SMCO4: variants seen among roughly 807,000 people sequenced by gnomAD.
The protein encoded by SMCO4 is single-pass membrane and coiled-coil domain-containing protein 4.
Under a neutral mutation model 3.6 loss-of-function variants are expected in SMCO4, and 4 were observed. That is an observed-to-expected ratio of 1.11 (90% CI 0.54 to 2.53). The LOEUF is 2.53. Among genes scored for constraint, SMCO4 ranks in the 30% most tolerant of loss-of-function variants. SMCO4 has a pLI of 0.02. For synonymous variants in SMCO4, 36 were observed against 35.3 expected, an observed-to-expected ratio of 1.02 and a Z score of -0.07; for missense variants, 70 against 80.8, an observed-to-expected ratio of 0.87 and a Z score of 0.51.
chr11:93,550,837 A>T, the SMCO4 span, among the ~76,000 whole-genome samples: 1 of 152,246 alleles, frequency 6.6e-6, no homozygotes, highest in Non-Finnish European at 1.5e-5. Flanking sequence ...AAAGTAAAAA[A>T]TAACACTTAA....
chr11:93,542,773 C>T (rs1949281367), intron 1 of SMCO4, among the ~76,000 whole-genome samples: 2 of 152,110 alleles, frequency 1.3e-5, no homozygotes, highest in South Asian at 4.2e-4. Flanking sequence ...ACCCTTCTCA[C>T]CCGCAAGGTC....
chr11:93,512,973 G>A (rs1948971773), intron 1 of SMCO4, among the ~76,000 whole-genome samples: 1 of 152,180 alleles, frequency 6.6e-6, no homozygotes, highest in Admixed American at 6.5e-5. Context: ...AAAGGCAGTG[G>A]GGCAAGAGGA....
intron 2 of SMCO4, among the ~76,000 whole-genome samples, chr11:93,489,077 A>G (rs1477133213): frequency 6.6e-6 from 1 of 152,126 alleles, no homozygotes; most frequent in Non-Finnish European, 1.5e-5. Flanking sequence ...GGCAGACAGA[A>G]GGCAGTGAGA....
rs566141935 is a variant in SMCO4 at position 93,535,487 on chromosome 11, G to C, written c.-154+7789C>G. On this transcript the variant is annotated intron_variant, in intron 1 of 2. Transcript: ENST00000298966. ...CGCCGCGATGGTGTTGTTGGAGAGC[G>C]AGCAGCTCCTGACGGAGCTGACCAG... 14 of 1,401,510 alleles carry C rather than the reference G, an allele frequency of 1.0e-5. No homozygotes were observed. In the African/African-American group the frequency reaches 1.8e-4, roughly 18 times the overall value. The allele number at this position is 1,401,510 out of a possible 1,614,324, so 86.8% of individuals were successfully genotyped here.
the SMCO4 span, among the ~76,000 whole-genome samples, chr11:93,550,831 T>C: frequency 6.6e-6 from 1 of 152,162 alleles, no homozygotes; most frequent in African/African-American, 2.4e-5. Flanking sequence ...AATCCCAAAG[T>C]AAAAAATAAC....
intron 1 of SMCO4, among the ~76,000 whole-genome samples, chr11:93,534,861 C>A (rs1483429157): frequency 6.6e-6 from 1 of 152,214 alleles, no homozygotes; most frequent in Non-Finnish European, 1.5e-5. Context: ...TCACACCCCT[C>A]AAACACCTTC....
chr11:93,526,636 A>G (rs76486491), intron 1 of SMCO4, among the ~76,000 whole-genome samples: 1 of 152,182 alleles, frequency 6.6e-6, no homozygotes, highest in Non-Finnish European at 1.5e-5. Flanking sequence ...CACATCTCCA[A>G]GGTCAGCCCC....
intron 1 of SMCO4, among the ~76,000 whole-genome samples, chr11:93,534,723 CTG>C (rs1415156065): frequency 6.6e-6 from 1 of 152,178 alleles, no homozygotes; most frequent in Non-Finnish European, 1.5e-5. Flanking sequence ...GTAAAGGACT[CTG>C]TGGTCCAGTA....
rs374683409 is a variant in SMCO4 at position 93,542,732 on chromosome 11, C to G, written c.-154+544G>C. Among the ~76,000 whole-genome samples the G allele has an allele frequency of 2.1e-4, 32 of 152,254 alleles. No homozygotes were observed. The East Asian group carries it at 3.5e-3, about 17-fold the overall frequency. ...GAGGAAGGCTCTATCCCGCCCCCGC[C>G]TCACCTCTACTCCCCGACCCCCAGG... On this transcript the variant is annotated intron_variant, in intron 1 of 2. Coordinates refer to ENST00000298966, the MANE Select transcript of SMCO4 (RefSeq NM_020179.3).
At chr11:93,498,920 G>A (rs1050402750) in intron 2 of SMCO4, among the ~76,000 whole-genome samples, 2 of 152,176 alleles carry the variant, frequency 1.3e-5, no homozygotes, top group African/African-American at 4.8e-5. Flanking sequence ...AACAGGCAAC[G>A]AGAATAAAGC....
At chr11:93,495,977 G>A (rs552039149) in intron 2 of SMCO4, among the ~76,000 whole-genome samples, 1 of 152,320 alleles carries the variant, frequency 6.6e-6, no homozygotes, top group African/African-American at 2.4e-5. Context: ...CAACAACATG[G>A]TGCCAACAAT....
rs1221439487 is a variant in SMCO4, at chr11:93,542,385, G to A, written c.-154+891C>T. Among the ~76,000 whole-genome samples, 36 of 152,154 alleles carry A rather than the reference G, an allele frequency of 2.4e-4. 1 individual carries two copies. The highest frequency in any genetic ancestry group is 2.3e-3 in the Admixed American group (35 of 15,278). ...ATGAGTGGATGGGTGGGTGTATGAGGACATGGGAGTGTTTTCTGACAGCTC... is the reference window on the plus strand; with the variant it reads ...ATGAGTGGATGGGTGGGTGTATGAGAACATGGGAGTGTTTTCTGACAGCTC... On this transcript the variant is annotated intron_variant, in intron 1 of 2. Transcript: ENST00000298966.
Position 93,478,985 on chromosome 11 carries a change from T to C in SMCO4, c.*25A>G, listed in dbSNP as rs757558016. 1.1e-4 allele frequency: 177 copies of C among 1,581,256 alleles called. No individual in the cohort carries two copies. Among genetic ancestry groups the C allele is most frequent in the Non-Finnish European group, 1.5e-4 (169 of 1,161,136 alleles). On this transcript the variant is annotated 3_prime_UTR_variant, in exon 3 of 3. Coordinates refer to ENST00000298966, the MANE Select transcript of SMCO4 (RefSeq NM_020179.3). ...CTCCCGCGCCTCCTCTCCCTGCCGA[T>C]GGGGTCCGCAGCCGGCTGCGGGGCT...
At chr11:93,544,347 T>A (rs1279874269), upstream of SMCO4, among the ~76,000 whole-genome samples, 1 of 152,216 alleles carries the variant, frequency 6.6e-6, no homozygotes, top group Non-Finnish European at 1.5e-5. Context: ...CCTTTATATG[T>A]GTGGTATTGT....
At position 93,479,089 on chromosome 11, in the gene SMCO4, A is replaced by G; in HGVS notation, c.101T>C (p.Val34Ala). 1 of 1,614,064 alleles carries G rather than the reference A, an allele frequency of 6.2e-7. No homozygotes were observed. Residue 34 changes from valine (V) to alanine (A), a missense_variant, in exon 3 of 3, where the codon GTG (valine) becomes GCG (alanine). Val to Ala is a moderately conservative substitution (Grantham distance 64). Coordinates refer to ENST00000298966, the MANE Select transcript of SMCO4 (RefSeq NM_020179.3). Reference protein sequence around the residue: ...QEARQQITTVVLPTLAVVVLL... With the variant: ...QEARQQITTVALPTLAVVVLL... ...CACGACCACGGCCAGCGTGGGCAGCACCACTGTAGTGATCTGCTGCCGGGC... is the reference window on the plus strand; with the variant it reads ...CACGACCACGGCCAGCGTGGGCAGCGCCACTGTAGTGATCTGCTGCCGGGC...
intron 1 of SMCO4, among the ~76,000 whole-genome samples, chr11:93,515,896 A>C (rs1949003792): frequency 6.6e-6 from 1 of 152,092 alleles, no homozygotes; most frequent in Admixed American, 6.5e-5. Flanking sequence ...CTATCCATCA[A>C]ATCCTCTCCC....
At chr11:93,481,080 G>C (rs939375270) in intron 2 of SMCO4, among the ~76,000 whole-genome samples, 1 of 151,678 alleles carries the variant, frequency 6.6e-6, no homozygotes, top group Non-Finnish European at 1.5e-5. Context: ...CTTAAGGCCT[G>C]AAAGGTATAG....
intron 2 of SMCO4, among the ~76,000 whole-genome samples, chr11:93,482,124 C>CT (rs1451032652): frequency 1.3e-5 from 2 of 152,252 alleles, no homozygotes; most frequent in African/African-American, 4.8e-5. Flanking sequence ...CCGTCTGAAT[C>CT]CTGGGTACTT....
intron 1 of SMCO4, among the ~76,000 whole-genome samples, chr11:93,504,143 T>C (rs1198995677): frequency 6.6e-6 from 1 of 152,206 alleles, no homozygotes; most frequent in East Asian, 1.9e-4. Flanking sequence ...ATTTTAAAAG[T>C]AGGAATCCAT....
Sources: allele counts gnomAD v4.1 joint callset (sites outside exome capture counted in the v4.1 genomes callset), GRCh38; gene constraint gnomAD v4.1.1; transcripts MANE v1.5; gene names NCBI Gene and HGNC (gene_info 2026-07-23, HGNC 2026-07-21).